Variants in LYRM9 observed in about 807,000 individuals in gnomAD.
The protein encoded by LYRM9 is LYR motif-containing protein 9.
Under a neutral mutation model 12.6 loss-of-function variants are expected in LYRM9, and 14 were observed. That is an observed-to-expected ratio of 1.11 (90% CI 0.73 to 1.73). LYRM9 has a LOEUF of 1.73. LYRM9 is among the 40% of genes most tolerant of loss of function. LYRM9 has a pLI of 0.00. For missense variants in LYRM9, 94 were observed against 95.0 expected, an observed-to-expected ratio of 0.99 and a Z score of 0.04; for synonymous variants, 42 against 35.1, an observed-to-expected ratio of 1.20 and a Z score of -0.69.
chr17:27,882,643 G>T lies in LYRM9; in HGVS notation c.52C>A (p.Arg18=). ...ELVRRPLQLY[R]YLLRCCQQLP... ...TGCTGGCAACAGCGCAGCAAGTATC[G>T]GTAGAGCTGCAGTGGCCTCCGAACC... The change falls in exon 2 of 4, where the codon CGA becomes AGA. Residue 18 remains arginine (R), a synonymous_variant. Coordinates refer to ENST00000379102, the MANE Select transcript of LYRM9 (RefSeq NM_001076680.3). 1 of 1,602,534 alleles carries T rather than the reference G, an allele frequency of 6.2e-7. No individual in the cohort carries two copies.
Position 27,887,713 on chromosome 17 carries a change from G to GGGGTGT in LYRM9, c.-18-5002_-18-5001insACACCC, listed in dbSNP as rs1485417792. Among the ~76,000 whole-genome samples, 288 of 86,830 alleles carry GGGGTGT rather than the reference G, an allele frequency of 3.3e-3. 1 individual carries two copies. The highest frequency in any genetic ancestry group is 0.015 in the Middle Eastern group (2 of 136). The allele number at this position is 86,830 out of a possible 152,430, so 57.0% of individuals were successfully genotyped here. A position where few individuals can be genotyped will look rare whatever the true frequency, so the allele number is the denominator to read the frequency against. On this transcript the variant is annotated intron_variant, in intron 1 of 3. Coordinates refer to ENST00000379102, the MANE Select transcript of LYRM9 (RefSeq NM_001076680.3). Reference sequence around the variant, plus strand: ...GAGAAACAGAACCTATAGGAGGGAGGGTGTGTGTGTGTGTGTGTGTGTGTG... The same window carrying GGGGTGT: ...GAGAAACAGAACCTATAGGAGGGAGGGGGTGTGTGTGTGTGTGTGTGTGTGTGTGTG...
chr17:27,889,696 T>C (rs915827922), intron 1 of LYRM9, among the ~76,000 whole-genome samples: 17 of 152,122 alleles, frequency 1.1e-4, no homozygotes, highest in Non-Finnish European at 1.9e-4. Context: ...GGGTCTGTTA[T>C]ATCAACTCAA....
At chr17:27,887,138 T>C (rs1905257556) in intron 1 of LYRM9, among the ~76,000 whole-genome samples, 1 of 151,942 alleles carries the variant, frequency 6.6e-6, no homozygotes, top group Non-Finnish European at 1.5e-5. Context: ...AGAGTGAATC[T>C]TTCTAAAACA....
chr17:27,890,420 C>CACCA (rs2142600337), intron 1 of LYRM9, among the ~76,000 whole-genome samples: 2 of 152,280 alleles, frequency 1.3e-5, no homozygotes, highest in South Asian at 4.1e-4. Context: ...AAGAAAGAGT[C>CACCA]ACCAGGCTGA....
rs771712371 is a variant in LYRM9, at chr17:27,879,425, A to AG, written c.*47dup. ...AGCTGCTGCTGCTGAGCTCCAGAAG[A>AG]GGGGCCTCTCAACTTCCAGAGGCCA... On this transcript the variant is annotated 3_prime_UTR_variant, in exon 4 of 4. Transcript: ENST00000379102. 3.2e-6 allele frequency: 5 copies of AG among 1,542,170 alleles called. No individual in the cohort carries two copies. In the African/African-American group the frequency reaches 5.5e-5, roughly 17 times the overall value.
At chr17:27,882,888 T>G in intron 1 of LYRM9, 176 bp from the exon 2 acceptor site, 93 of 708,962 alleles carry the variant, frequency 1.3e-4, no homozygotes, top group East Asian at 1.7e-4. Context: ...ACAGAAGCTC[T>G]AGCCCAGAGC....
At chr17:27,892,617 C>T (rs1206537411) in intron 1 of LYRM9, 1 of 323,252 alleles carries the variant, frequency 3.1e-6, no homozygotes, top group Non-Finnish European at 6.1e-6. Context: ...GACAGAAGTA[C>T]ATTGGTGGTT....
chr17:27,887,340 T>C (rs1255637694), intron 1 of LYRM9, among the ~76,000 whole-genome samples: 1 of 152,240 alleles, frequency 6.6e-6, no homozygotes, highest in African/African-American at 2.4e-5. Flanking sequence ...CACGTTTTCA[T>C]AGGTATTAAT....
chr17:27,883,663 A>G (rs1051657466), intron 1 of LYRM9, among the ~76,000 whole-genome samples: 21 of 151,402 alleles, frequency 1.4e-4, no homozygotes, highest in African/African-American at 4.4e-4. Flanking sequence ...AAAAAAAAAA[A>G]AGAGAGAGAA....
In LYRM9 at chr17:27,886,626, G is replaced by A. The variant is rs1905239328; in HGVS notation, c.-18-3914C>T. Reference sequence around the variant, plus strand: ...CCTTCTCCTCAATCCCCATGCCACTGGTTTCTTTCTTTTCTTTTCTTTTTT... The same window carrying A: ...CCTTCTCCTCAATCCCCATGCCACTAGTTTCTTTCTTTTCTTTTCTTTTTT... On this transcript the variant is annotated intron_variant, in intron 1 of 3. Coordinates refer to ENST00000379102, the MANE Select transcript of LYRM9 (RefSeq NM_001076680.3). The surrounding 1 kb of genome is among the most constrained non-coding windows in gnomAD (Gnocchi z 4.8). Among the ~76,000 whole-genome samples the A allele has an allele frequency of 6.8e-6, 1 of 148,020 alleles. No individual in the cohort carries two copies. Among genetic ancestry groups the A allele is most frequent in the Non-Finnish European group, 1.5e-5 (1 of 67,596 alleles).
chr17:27,890,842 T>A (rs1054217238), intron 1 of LYRM9, among the ~76,000 whole-genome samples: 10 of 152,016 alleles, frequency 6.6e-5, no homozygotes, highest in Non-Finnish European at 1.3e-4. Context: ...AATGGAGTGG[T>A]TTTGCTTCCC....
At chr17:27,884,350 C>G (rs1163121095) in intron 1 of LYRM9, among the ~76,000 whole-genome samples, 1 of 152,258 alleles carries the variant, frequency 6.6e-6, no homozygotes, top group African/African-American at 2.4e-5. Context: ...CCAGTCTCCT[C>G]CACACTGACA....
Position 27,879,466 on chromosome 17 carries a change from G to A in LYRM9, c.*7C>T, listed in dbSNP as rs76339109. On this transcript the variant is annotated 3_prime_UTR_variant, in exon 4 of 4. Coordinates refer to ENST00000379102, the MANE Select transcript of LYRM9 (RefSeq NM_001076680.3). ...CCAGAGGCCAGGAAGGCTCACCCTC[G>A]GAGCTCTCAGTTTTGTTTTTTATAC... The A allele has an allele frequency of 7.1e-4, 1,107 of 1,551,214 alleles. 5 individuals are homozygous for A. In the African/African-American group the frequency reaches 0.012, roughly 17 times the overall value.
chr17:27,887,713 G>GGGGTGTGTGTGTGT (rs1485417792), intron 1 of LYRM9, among the ~76,000 whole-genome samples: 5 of 86,830 alleles, frequency 5.8e-5, no homozygotes, highest in South Asian at 4.0e-4. Context: ...TAGGAGGGAG[G>GGGGTGTGTGTGTGT]GTGTGTGTGT....
intron 2 of LYRM9, 61 bp downstream of exon 2, chr17:27,882,508 A>AG: frequency 6.8e-7 from 1 of 1,479,174 alleles, no homozygotes; most frequent in Non-Finnish European, 9.0e-7. Flanking sequence ...TTGGCCTCTG[A>AG]CCTGCGCCCC....
rs1357690558 is a variant in LYRM9, at chr17:27,879,487, TA to T, written c.222del (p.Tyr74Ter). On this transcript the variant is annotated frameshift_variant and splice_region_variant, in exon 4 of 4. Transcript: ENST00000379102. LOFTEE classifies it high-confidence loss of function. The part of the protein sequence containing the change: ...IEDADWIMNK[Y>X]KKQN The stretch of plus-strand genomic sequence containing the variant: ...CCTCGGAGCTCTCAGTTTTGTTTTT[TA>T]TACTGCAAGACAGAGAGATTCGAAG... 1.0e-5 allele frequency: 16 copies of T among 1,552,052 alleles called. No individual in the cohort carries two copies. The highest frequency in any genetic ancestry group is 1.0e-5 in the Non-Finnish European group (12 of 1,147,346).
chr17:27,889,434 A>C (rs1405808992), intron 1 of LYRM9, among the ~76,000 whole-genome samples: 4 of 151,028 alleles, frequency 2.6e-5, no homozygotes, highest in Non-Finnish European at 4.4e-5. Flanking sequence ...CAGCCTCCCC[A>C]GTAGCTGGGA....
intron 2 of LYRM9, 31 bp from the exon 3 acceptor site, chr17:27,880,397 A>G: frequency 6.4e-7 from 1 of 1,550,460 alleles, no homozygotes; most frequent in Non-Finnish European, 8.8e-7. Flanking sequence ...AAAGATGACT[A>G]GGCAAAATTC....
At chr17:27,889,186 G>T (rs28567495) in intron 1 of LYRM9, among the ~76,000 whole-genome samples, 3,008 of 152,254 alleles carry the variant, frequency 0.02, 101 homozygotes, top group African/African-American at 0.068. Flanking sequence ...CAGTGGCCCT[G>T]TCACCTCCTT....
Sources: allele counts gnomAD v4.1 joint callset (sites outside exome capture counted in the v4.1 genomes callset), GRCh38; gene constraint gnomAD v4.1.1; non-coding constraint Gnocchi (gnomAD v3.1); transcripts MANE v1.5; gene names NCBI Gene and HGNC (gene_info 2026-07-23, HGNC 2026-07-21).